Variants in FAT3 observed in about 807,000 individuals in gnomAD.
FAT3 encodes the protein FAT atypical cadherin 3.
Under a neutral mutation model 310.2 loss-of-function variants are expected in FAT3, and 95 were observed. The ratio of observed to expected loss-of-function variants is 0.31; its 90% CI spans 0.26 to 0.36. The LOEUF is 0.36. Ranked by LOEUF, FAT3 falls within the 10% of genes least tolerant of loss-of-function variation. The pLI is 1.00. For missense variants in FAT3, 5,408 were observed against 5,715.6 expected (o/e 0.95, Z 1.74); for synonymous variants, 2,314 against 2,192.9 (o/e 1.06, Z -1.54).
At chr11:92,452,395 C>T (rs1951378976) in intron 2 of FAT3, among the ~76,000 whole-genome samples, 1 of 152,098 alleles carries the variant, frequency 6.6e-6, no homozygotes, top group African/African-American at 2.4e-5. Context: ...AGGAAATGAT[C>T]TGGTAATCCA....
intron 2 of FAT3, among the ~76,000 whole-genome samples, chr11:92,374,030 G>GA (rs1949270752): frequency 7.0e-6 from 1 of 142,136 alleles, no homozygotes; most frequent in Admixed American, 7.0e-5. Flanking sequence ...ACAGAGAGAG[G>GA]GAGAGAGAGA....
At chr11:92,881,579 T>C (rs1037386712) in intron 23 of FAT3, among the ~76,000 whole-genome samples, 5 of 152,208 alleles carry the variant, frequency 3.3e-5, no homozygotes, top group African/African-American at 1.2e-4. Context: ...AAATACTCTG[T>C]GATTCTGACT....
rs1555038593 is a variant in FAT3, at chr11:92,412,736, T to TATACAC, written c.3292+57335_3292+57336insCACATA. Among the ~76,000 whole-genome samples the TATACAC allele has an allele frequency of 2.9e-3, 44 of 14,938 alleles. 1 individual carries two copies. The highest frequency in any genetic ancestry group is 9.5e-3 in the South Asian group (3 of 316). The allele number at this position is 14,938 out of a possible 152,430, so 9.8% of individuals were successfully genotyped here. A position where few individuals can be genotyped will look rare whatever the true frequency, so the allele number is the denominator to read the frequency against. The stretch of plus-strand genomic sequence containing the variant: ...ATATATATATATATATATATATATA[T>TATACAC]ATATATATAAATATACATACATATA... On this transcript the variant is annotated intron_variant, in intron 2 of 27. Coordinates refer to ENST00000525166, the MANE Select transcript of FAT3 (RefSeq NM_001367949.2).
chr11:92,589,089 G>A (rs761721020), intron 3 of FAT3, among the ~76,000 whole-genome samples: 50 of 151,998 alleles, frequency 3.3e-4, no homozygotes, highest in African/African-American at 1.2e-3. Context: ...ATCTCACTGG[G>A]TATTATCTTT....
chr11:92,663,230 A>G (rs894414839), intron 3 of FAT3, among the ~76,000 whole-genome samples: 1 of 152,214 alleles, frequency 6.6e-6, no homozygotes, highest in African/African-American at 2.4e-5. Flanking sequence ...AAGAGCAAGT[A>G]TGATGAGTTG....
intron 19 of FAT3, among the ~76,000 whole-genome samples, chr11:92,846,826 A>G (rs902666441): frequency 3.9e-5 from 6 of 152,226 alleles, no homozygotes; most frequent in African/African-American, 1.4e-4. Flanking sequence ...GAGTCAGGCC[A>G]AGCTCTCAGC....
chr11:92,434,036 A>G (rs1212515), intron 2 of FAT3, among the ~76,000 whole-genome samples: 128,945 of 147,814 alleles, frequency 0.87, 56,416 homozygotes, highest in Admixed American at 0.9. Flanking sequence ...AAAAAGAAGA[A>G]CCATCACTGT....
rs192892687 is a variant in FAT3 at position 92,517,661 on chromosome 11, G to T, written c.3293-6973G>T. ...ACTAAAGAGCTTCTGCACAGCAAAA[G>T]AAACTGTCGTCAGAGTGAACAGGCA... On this transcript the variant is annotated intron_variant, in intron 2 of 27. Transcript: ENST00000525166. Among the ~76,000 whole-genome samples, 256 of 152,220 alleles carry T rather than the reference G, an allele frequency of 1.7e-3. 1 individual carries two copies. Among genetic ancestry groups the T allele is most frequent in the African/African-American group, 5.9e-3 (246 of 41,530 alleles).
chr11:92,808,905 G>A lies in FAT3; in HGVS notation c.9248-938G>A, dbSNP rs1410812329. Reference sequence around the variant, plus strand: ...CATGCCACTGCACTCCAGCCTGGGCGACAGAGCAAGACTCAGTCTCAAAAA... The same window carrying A: ...CATGCCACTGCACTCCAGCCTGGGCAACAGAGCAAGACTCAGTCTCAAAAA... On this transcript the variant is annotated intron_variant, in intron 12 of 27. Transcript: ENST00000525166. 5.9e-5 allele frequency among the ~76,000 whole-genome samples: 9 copies of A among 152,144 alleles called. No homozygotes were observed. In the South Asian group the frequency reaches 1.2e-3, roughly 21 times the overall value.
intron 3 of FAT3, among the ~76,000 whole-genome samples, chr11:92,633,700 G>A (rs1941645729): frequency 6.6e-6 from 1 of 152,166 alleles, no homozygotes; most frequent in African/African-American, 2.4e-5. Context: ...TCAATTGGAG[G>A]CAAAGGATAG....
intron 3 of FAT3, among the ~76,000 whole-genome samples, chr11:92,533,676 T>TC (rs1163134375): frequency 2.6e-5 from 4 of 152,160 alleles, no homozygotes; most frequent in African/African-American, 9.7e-5. Context: ...GCTGGGACCT[T>TC]CCCCAACGCA....
At chr11:92,838,556 AG>A (rs1388796195) in intron 17 of FAT3, among the ~76,000 whole-genome samples, 3 of 152,194 alleles carry the variant, frequency 2.0e-5, no homozygotes, top group African/African-American at 7.2e-5. Context: ...AATCTAGCCC[AG>A]GAAAACTGTC....
chr11:92,793,033 G>C, intron 9 of FAT3, 56 bp downstream of exon 9: 1 of 1,539,762 alleles, frequency 6.5e-7, no homozygotes, highest in Non-Finnish European at 8.9e-7. Flanking sequence ...TCGACCCTCA[G>C]TAGTATTTAT....
Position 92,225,175 on chromosome 11 carries a change from G to T in FAT3, c.-18+1G>T, listed in dbSNP as rs1396370761. ...CCGTGGATCGCCAGCGGAGGCAAGG[G>T]TGCGTGGGGATTTGTAGCGTGATGA... On this transcript the variant is annotated splice_donor_variant, in intron 1 of 27. Coordinates refer to ENST00000525166, the MANE Select transcript of FAT3 (RefSeq NM_001367949.2). LOFTEE classifies it low-confidence loss of function (5UTR_SPLICE). 6.6e-6 allele frequency among the ~76,000 whole-genome samples: 1 copy of T among 152,192 alleles called. No homozygotes were observed. Among genetic ancestry groups the T allele is most frequent in the Non-Finnish European group, 1.5e-5 (1 of 68,028 alleles).
chr11:92,402,652 G>C (rs775694606), intron 2 of FAT3, among the ~76,000 whole-genome samples: 19 of 151,518 alleles, frequency 1.3e-4, no homozygotes, highest in Non-Finnish European at 1.8e-4. Context: ...AGGATCACTT[G>C]ACCTGGGAGG....
rs774199265 is a variant in FAT3 at position 92,352,622 on chromosome 11, C to T, written c.510C>T (p.Ser170=). 1.2e-6 allele frequency: 2 copies of T among 1,613,712 alleles called. No individual in the cohort carries two copies. Among genetic ancestry groups the T allele is most frequent in the East Asian group, 4.5e-5 (2 of 44,886 alleles). The change falls in exon 2 of 28, where the codon AGC becomes AGT. Residue 170 remains serine (S), a synonymous_variant. Transcript: ENST00000525166. ...CATACTCTGTTACCATAGCAGAAAG[C>T]ACACCTCTAAGGACTAGTGTTGCCC... The part of the protein sequence containing the change: ...PTTYSVTIAE[S]TPLRTSVAQV...
intron 2 of FAT3, among the ~76,000 whole-genome samples, chr11:92,412,271 T>C (rs1451476824): frequency 2.0e-5 from 3 of 151,790 alleles, no homozygotes; most frequent in African/African-American, 7.3e-5. Context: ...CCCAGCTAAT[T>C]TTTGTATTTT....
At chr11:92,309,380 G>C (rs949979282) in intron 1 of FAT3, among the ~76,000 whole-genome samples, 1 of 42,628 alleles carries the variant, frequency 2.3e-5, no homozygotes, top group African/African-American at 1.4e-4. Context: ...TTACACACAC[G>C]CATGCACACA....
At chr11:92,389,097 G>A (rs693518) in intron 2 of FAT3, among the ~76,000 whole-genome samples, 55,716 of 152,072 alleles carry the variant, frequency 0.37, 14,583 homozygotes, top group African/African-American at 0.75. Flanking sequence ...CTTACATTTT[G>A]TTCTCAGAAC....
Sources: gnomAD v4.1 joint callset for allele counts (sites outside exome capture counted in the v4.1 genomes callset) on GRCh38, gnomAD v4.1.1 for gene constraint, MANE v1.5 for transcripts, NCBI Gene and HGNC (gene_info 2026-07-23, HGNC 2026-07-21) for gene names.